The following CACNA2D3 variants were observed in gnomAD, a reference collection of about 807,000 sequenced individuals.
CACNA2D3 encodes the protein calcium voltage-gated channel auxiliary subunit alpha2delta 3, also known as voltage-dependent calcium channel subunit alpha-2/delta-3.
A neutral mutation model predicts 160.6 loss-of-function variants in CACNA2D3; 60 were observed. The ratio of observed to expected loss-of-function variants is 0.37; its 90% CI spans 0.30 to 0.46. The LOEUF (loss-of-function observed/expected upper bound fraction) is 0.46. CACNA2D3 is among the 20% of genes least tolerant of loss of function. The probability of loss-of-function intolerance (pLI) is 1.00; values close to 1 mark genes in which losing one functional copy is unlikely to be tolerated. For missense variants in CACNA2D3, 1,205 were observed against 1,365.0 expected (o/e 0.88, Z 1.85); for synonymous variants, 558 against 492.9 (o/e 1.13, Z -1.75).
intron 31 of CACNA2D3, among the ~76,000 whole-genome samples, chr3:54,997,827 G>A (rs1702893091): frequency 2.0e-5 from 3 of 152,208 alleles, no homozygotes; most frequent in Non-Finnish European, 4.4e-5. Flanking sequence ...CAATGTGTAT[G>A]CCTTAGGAAT....
chr3:55,049,017 C>A (rs904301016), intron 35 of CACNA2D3, among the ~76,000 whole-genome samples: 2 of 148,882 alleles, frequency 1.3e-5, no homozygotes, highest in Non-Finnish European at 3.0e-5. Context: ...GTCTTGCTAG[C>A]GGTCTATCAA....
chr3:54,321,418 G>C (rs1281987775), intron 3 of CACNA2D3, among the ~76,000 whole-genome samples: 2 of 152,102 alleles, frequency 1.3e-5, no homozygotes, highest in African/African-American at 4.8e-5. Flanking sequence ...AGTAGCTGGG[G>C]CTACAGGTAT....
At chr3:54,995,375 A>G (rs1430350287) in intron 31 of CACNA2D3, among the ~76,000 whole-genome samples, 1 of 152,196 alleles carries the variant, frequency 6.6e-6, no homozygotes, top group Admixed American at 6.5e-5. Context: ...GACTTAAAGA[A>G]CATAAGAGGT....
intron 2 of CACNA2D3, among the ~76,000 whole-genome samples, chr3:54,315,197 G>T (rs1703833530): frequency 6.6e-6 from 1 of 152,150 alleles, no homozygotes; most frequent in African/African-American, 2.4e-5. Flanking sequence ...TCTAATTGAG[G>T]TTCCAGGGCC....
intron 27 of CACNA2D3, chr3:54,924,591 T>C (rs1366748267): frequency 1.9e-6 from 3 of 1,541,244 alleles, no homozygotes; most frequent in South Asian, 1.1e-5. Flanking sequence ...AACACACAGA[T>C]GGGGGGTTCC....
intron 2 of CACNA2D3, among the ~76,000 whole-genome samples, chr3:54,163,795 G>A (rs1314545895): frequency 4.6e-5 from 7 of 152,288 alleles, no homozygotes; most frequent in African/African-American, 7.2e-5. Context: ...CCAGAGTGAC[G>A]GCATGCGGAG....
intron 35 of CACNA2D3, among the ~76,000 whole-genome samples, chr3:55,028,079 A>G (rs13075774): frequency 0.12 from 18,990 of 152,244 alleles, 1,431 homozygotes; most frequent in South Asian, 0.19. Context: ...TCTTTGAAGA[A>G]CAAAGTTGAG....
chr3:55,064,585 TATAAAA>T (rs1403471069), intron 35 of CACNA2D3, among the ~76,000 whole-genome samples: 1 of 152,090 alleles, frequency 6.6e-6, no homozygotes, highest in Admixed American at 6.5e-5. Context: ...GGACTTCACT[TATAAAA>T]CACAAATTCA....
intron 2 of CACNA2D3, among the ~76,000 whole-genome samples, chr3:54,193,789 G>T (rs1251200739): frequency 2.0e-5 from 3 of 152,180 alleles, no homozygotes; most frequent in Non-Finnish European, 4.4e-5. Flanking sequence ...CAGCTCCATG[G>T]CCTGAGAGAC....
chr3:54,811,316 G>A (rs1366938211), intron 13 of CACNA2D3, among the ~76,000 whole-genome samples: 1 of 151,852 alleles, frequency 6.6e-6, no homozygotes, highest in Non-Finnish European at 1.5e-5. Context: ...CTCTGTTTTT[G>A]CATTTATCAA....
intron 2 of CACNA2D3, among the ~76,000 whole-genome samples, chr3:54,127,046 A>G (rs1699608791): frequency 6.6e-6 from 1 of 152,228 alleles, no homozygotes; most frequent in South Asian, 2.1e-4. Context: ...AATCAAAGGC[A>G]TTAAACTGGC....
chr3:54,484,939 C>T (rs1700992818), intron 4 of CACNA2D3, among the ~76,000 whole-genome samples: 1 of 151,596 alleles, frequency 6.6e-6, no homozygotes, highest in African/African-American at 2.4e-5. Context: ...CTCTGCCTTC[C>T]AGGTTCAAGC....
intron 2 of CACNA2D3, among the ~76,000 whole-genome samples, chr3:54,205,345 G>A (rs938399840): frequency 1.3e-5 from 2 of 152,066 alleles, no homozygotes; most frequent in Admixed American, 1.3e-4. Context: ...CACCCGCCTT[G>A]GCCTCCCAAA....
intron 2 of CACNA2D3, among the ~76,000 whole-genome samples, chr3:54,136,352 G>C (rs1426304062): frequency 6.6e-6 from 1 of 152,228 alleles, no homozygotes; most frequent in Non-Finnish European, 1.5e-5. Flanking sequence ...TTGAGGTTCA[G>C]ATGATCAAAT....
intron 25 of CACNA2D3, among the ~76,000 whole-genome samples, chr3:54,892,611 T>G (rs149087947): frequency 6.6e-6 from 1 of 151,792 alleles, no homozygotes; most frequent in Non-Finnish European, 1.5e-5. Flanking sequence ...TTTTTAAGCG[T>G]TTTTCCCCCA....
At chr3:54,275,189 C>T (rs919904936) in intron 2 of CACNA2D3, among the ~76,000 whole-genome samples, 8 of 152,200 alleles carry the variant, frequency 5.3e-5, no homozygotes, top group African/African-American at 1.9e-4. Flanking sequence ...TTGCTGTTCC[C>T]TCTTTCGTCT....
chr3:54,289,112 A>G lies in CACNA2D3; in HGVS notation c.205-31330A>G, dbSNP rs200265263. 1.2e-4 allele frequency among the ~76,000 whole-genome samples: 19 copies of G among 152,334 alleles called. No homozygotes were observed. In the East Asian group the frequency reaches 3.7e-3, roughly 29 times the overall value. The stretch of plus-strand genomic sequence containing the variant: ...TATTCAATTAGGAAAAGAGGAAGTC[A>G]AATTGTCCCTGTTTGCAGACGACAT... On this transcript the variant is annotated intron_variant, in intron 2 of 37. Transcript: ENST00000474759.
At chr3:54,199,716 G>C (rs1701144257) in intron 2 of CACNA2D3, among the ~76,000 whole-genome samples, 1 of 152,154 alleles carries the variant, frequency 6.6e-6, no homozygotes, top group South Asian at 2.1e-4. Flanking sequence ...CACATGAGGT[G>C]ATAGCATGCA....
chr3:54,341,039 A>T (rs1335944224), intron 3 of CACNA2D3, among the ~76,000 whole-genome samples: 1 of 152,234 alleles, frequency 6.6e-6, no homozygotes. Flanking sequence ...CTCTTCCTCC[A>T]GATGGCTGGT....
Sources: allele counts gnomAD v4.1 joint callset (sites outside exome capture counted in the v4.1 genomes callset), GRCh38; gene constraint gnomAD v4.1.1; transcripts MANE v1.5; gene names NCBI Gene and HGNC (gene_info 2026-07-23, HGNC 2026-07-21).